UBN2: variants seen among roughly 807,000 people sequenced by gnomAD.
The protein encoded by UBN2 is ubinuclein 2, also known as ubinuclein-2.
In UBN2, 35 loss-of-function variants were observed where a neutral mutation model predicts 120.2. That is an observed-to-expected ratio of 0.29 (90% CI 0.22 to 0.39). The LOEUF is 0.39. UBN2 is among the 10% of genes least tolerant of loss of function. The probability of loss-of-function intolerance (pLI) is 1.00; values close to 1 mark genes in which losing one functional copy is unlikely to be tolerated. For synonymous variants in UBN2, 661 were observed against 648.7 expected (o/e 1.02, Z -0.29); for missense variants, 1,693 against 1,663.2 (o/e 1.02, Z -0.31).
intron 15 of UBN2, among the ~76,000 whole-genome samples, chr7:139,289,786 T>C (rs1797897287): frequency 6.6e-6 from 1 of 152,160 alleles, no homozygotes; most frequent in South Asian, 2.1e-4. Flanking sequence ...TTATTAACAG[T>C]ATTTAATGTT....
At chr7:139,292,168 C>G (rs1322504714) in intron 15 of UBN2, among the ~76,000 whole-genome samples, 1 of 152,066 alleles carries the variant, frequency 6.6e-6, no homozygotes, top group African/African-American at 2.4e-5. Flanking sequence ...GTGAGAGGAT[C>G]ACTTGAGCCT....
At chr7:139,237,691 T>G (rs1352520741) in intron 2 of UBN2, among the ~76,000 whole-genome samples, 1 of 152,160 alleles carries the variant, frequency 6.6e-6, no homozygotes, top group Non-Finnish European at 1.5e-5. Flanking sequence ...GAGTTCAAGA[T>G]TAAGTAGCTG....
intron 6 of UBN2, among the ~76,000 whole-genome samples, 192 bp downstream of exon 6, chr7:139,261,933 T>C (rs1796948029): frequency 6.7e-6 from 1 of 149,336 alleles, no homozygotes; most frequent in East Asian, 1.9e-4. Context: ...ACCTTTCTTT[T>C]TTCTTTCTTT....
At chr7:139,254,875 C>T (rs1796716971) in intron 3 of UBN2, among the ~76,000 whole-genome samples, 1 of 152,178 alleles carries the variant, frequency 6.6e-6, no homozygotes. Context: ...GCACACACTG[C>T]CTTCCCCCGC....
chr7:139,240,036 G>C (rs917341904), intron 2 of UBN2, among the ~76,000 whole-genome samples: 1 of 152,192 alleles, frequency 6.6e-6, no homozygotes, highest in East Asian at 1.9e-4. Context: ...AGAAAGATCA[G>C]CGTTCTGAAG....
Position 139,293,375 on chromosome 7 carries a change from G to A in UBN2, c.3813G>A (p.Leu1271=). ...VPVTMPFQFP[L]EIFGFGTDTA... ...TGACCATGCCCTTCCAGTTTCCCTT[G>A]GAGATATTTGGCTTTGGAACGGACA... is the stretch of plus-strand genomic sequence containing the variant. Residue 1271 remains leucine, a synonymous_variant, in exon 16 of 18, where the codon TTG becomes TTA. Transcript: ENST00000473989. 1 of 1,614,054 alleles carries A rather than the reference G, an allele frequency of 6.2e-7. No homozygotes were observed. The highest frequency in any genetic ancestry group is 8.5e-7 in the Non-Finnish European group (1 of 1,180,004).
intron 15 of UBN2, among the ~76,000 whole-genome samples, chr7:139,289,970 T>C (rs1295911199): frequency 6.6e-6 from 1 of 152,048 alleles, no homozygotes; most frequent in African/African-American, 2.4e-5. Flanking sequence ...CTCGGCTCAC[T>C]GCAACCTCTG....
At position 139,307,086 on chromosome 7, in the gene UBN2, A is replaced by G. The variant is rs1290401283; in HGVS notation, c.*9250A>G. ...TTTATACAGTGAATGTTCACTCTGC[A>G]GAGGAACTTCCCTCCAGTTACATCT... On this transcript the variant is annotated 3_prime_UTR_variant, in exon 18 of 18. Coordinates refer to ENST00000473989, the MANE Select transcript of UBN2 (RefSeq NM_173569.4). 6.6e-6 allele frequency: 1 copy of G among 152,204 alleles called. No individual in the cohort carries two copies. Among genetic ancestry groups the G allele is most frequent in the East Asian group, 1.9e-4 (1 of 5,198 alleles). 9.4% of individuals were successfully genotyped at this position (152,204 alleles called of 1,614,324 possible).
chr7:139,240,455 T>TATATA (rs367875599), intron 2 of UBN2, among the ~76,000 whole-genome samples: 2,710 of 62,878 alleles, frequency 0.043, 42 homozygotes, highest in Non-Finnish European at 0.068. Flanking sequence ...TATATATATA[T>TATATA]TTTTTTTTTT....
chr7:139,325,757 C>T, the UBN2 span, among the ~76,000 whole-genome samples: 1 of 152,210 alleles, frequency 6.6e-6, no homozygotes, highest in African/African-American at 2.4e-5. Flanking sequence ...AGATTGGGCC[C>T]TCGGAGTCTG....
chr7:139,237,610 C>G (rs1796200514), intron 2 of UBN2, among the ~76,000 whole-genome samples: 2 of 152,082 alleles, frequency 1.3e-5, no homozygotes, highest in African/African-American at 4.8e-5. Flanking sequence ...TATATTATCT[C>G]CAATCTTTGT....
chr7:139,273,348 T>G lies in UBN2; in HGVS notation c.1767T>G (p.Asp589Glu). 6.2e-7 allele frequency: 1 copy of G among 1,610,336 alleles called. No homozygotes were observed. The highest frequency in any genetic ancestry group is 2.2e-5 in the East Asian group (1 of 44,774). ...AAAATGGATCTGAAGAGGATGATGA[T>G]GAGAAACCAGGAAAACGTGTCATAG... Reference protein sequence around the residue: ...REKNGSEEDDDEKPGKRVIGP... With the variant: ...REKNGSEEDDEEKPGKRVIGP... Residue 589 changes from aspartate (D) to glutamate (E), a missense_variant, in exon 10 of 18, where the codon GAT becomes GAG. Around this residue, in one of 5 missense-constraint regions of UBN2, gnomAD observed 178 missense variants for 204.0 expected, o/e 0.87. Transcript: ENST00000473989.
rs1361679026 is a variant in UBN2, at chr7:139,231,470, G to A, written c.-15G>A. The stretch of plus-strand genomic sequence containing the variant: ...GCGCCGGCTCGAGCAAAAGCGGAGG[G>A]CCAGAACAGTGGGGATGGCGGAGCC... On this transcript the variant is annotated 5_prime_UTR_variant, in exon 1 of 18. Transcript: ENST00000473989. 4 of 1,350,634 alleles carry A rather than the reference G, an allele frequency of 3.0e-6. No individual in the cohort carries two copies. The highest frequency in any genetic ancestry group is 3.1e-5 in the East Asian group (1 of 32,456). The allele number at this position is 1,350,634 out of a possible 1,614,324, so 83.7% of individuals were successfully genotyped here.
At chr7:139,296,236 A>G (rs1335128390) in intron 17 of UBN2, among the ~76,000 whole-genome samples, 1 of 152,222 alleles carries the variant, frequency 6.6e-6, no homozygotes, top group Non-Finnish European at 1.5e-5. Context: ...AAAGGGCCAA[A>G]TAGTAAATAT....
intron 7 of UBN2, among the ~76,000 whole-genome samples, chr7:139,267,430 G>A (rs866340632): frequency 1.3e-5 from 2 of 151,994 alleles, no homozygotes; most frequent in South Asian, 4.1e-4. Context: ...CGGCTACTCA[G>A]GAGGCTGAGT....
chr7:139,307,763 C>A lies in UBN2; in HGVS notation c.*9927C>A, dbSNP rs974800672. ...CCATCTTGCCTTTGCATTCTCAGTT[C>A]TACGTGCCCTTTGAACTTTAATGGT... On this transcript the variant is annotated 3_prime_UTR_variant, in exon 18 of 18. Transcript: ENST00000473989. 4 of 152,156 alleles carry A rather than the reference C, an allele frequency of 2.6e-5. No homozygotes were observed. In the South Asian group the frequency reaches 8.3e-4, roughly 32 times the overall value. 9.4% of individuals were successfully genotyped at this position (152,156 alleles called of 1,614,324 possible).
chr7:139,326,884 G>A, the UBN2 span, among the ~76,000 whole-genome samples: 2 of 152,166 alleles, frequency 1.3e-5, no homozygotes, highest in Non-Finnish European at 2.9e-5. Context: ...GCCTGGGATT[G>A]TTTTCACTGA....
rs1442048725 is a variant in UBN2, at chr7:139,300,679, ATTCT to A, written c.*2845_*2848del. ...ACATGATTATATCCCACTCCTTGGGATTCTTGATTCAGGAAGATTAAGCTGTTTG... is the reference window on the plus strand; with the variant it reads ...ACATGATTATATCCCACTCCTTGGGATGATTCAGGAAGATTAAGCTGTTTG... On this transcript the variant is annotated 3_prime_UTR_variant, in exon 18 of 18. Coordinates refer to ENST00000473989, the MANE Select transcript of UBN2 (RefSeq NM_173569.4). The A allele has an allele frequency of 2.0e-4, 30 of 152,200 alleles. No individual in the cohort carries two copies. Among genetic ancestry groups the A allele is most frequent in the African/African-American group, 7.0e-4 (29 of 41,460 alleles). The allele number at this position is 152,200 out of a possible 1,614,324, so 9.4% of individuals were successfully genotyped here.
chr7:139,258,361 T>A (rs1796825375), intron 3 of UBN2, 127 bp from the exon 4 acceptor site: 5 of 614,668 alleles, frequency 8.1e-6, no homozygotes, highest in Non-Finnish European at 1.3e-5. Context: ...TTTACAAACA[T>A]CCTTATTGCA....
Sources: gnomAD v4.1 joint callset for allele counts (sites outside exome capture counted in the v4.1 genomes callset) on GRCh38, gnomAD v4.1.1 for gene constraint, gnomAD v4.1.1 regional missense constraint, MANE v1.5 for transcripts, NCBI Gene and HGNC (gene_info 2026-07-23, HGNC 2026-07-21) for gene names.